CSMD3: variants seen among roughly 807,000 people sequenced by gnomAD.
The protein encoded by CSMD3 is CUB and Sushi multiple domains 3.
Under a neutral mutation model 435.2 loss-of-function variants are expected in CSMD3, and 177 were observed. The ratio of observed to expected loss-of-function variants is 0.41; its 90% CI spans 0.36 to 0.46. The LOEUF (loss-of-function observed/expected upper bound fraction) is 0.46. CSMD3 is among the 20% of genes least tolerant of loss of function. CSMD3 has a pLI of 0.34. For missense variants in CSMD3, 4,265 were observed against 4,504.6 expected, an observed-to-expected ratio of 0.95 and a Z score of 1.52; for synonymous variants, 1,656 against 1,520.5, an observed-to-expected ratio of 1.09 and a Z score of -2.07.
At position 112,224,517 on chromosome 8, in the gene CSMD3, C is replaced by A. The variant is rs1812397930; in HGVS notation, c.*254G>T. 4 of 514,070 alleles carry A rather than the reference C, an allele frequency of 7.8e-6. No homozygotes were observed. In the East Asian group the frequency reaches 1.4e-4, roughly 18 times the overall value. 31.8% of individuals were successfully genotyped at this position (514,070 alleles called of 1,614,324 possible). On this transcript the variant is annotated 3_prime_UTR_variant, in exon 71 of 71. Coordinates refer to ENST00000297405, the MANE Select transcript of CSMD3 (RefSeq NM_198123.2). ...AAATAAGTTTATATTTTAGAATAAT[C>A]TCCTTTTTAAAAAAAGCAAATAAAC...
At chr8:112,265,354 A>T in intron 60 of CSMD3, 57 bp downstream of exon 60, 1 of 1,320,850 alleles carries the variant, frequency 7.6e-7, no homozygotes, top group Non-Finnish European at 1.1e-6. Flanking sequence ...TGTATATAAA[A>T]ATAAGAAAAT....
chr8:112,384,812 T>C (rs546387011), intron 36 of CSMD3, among the ~76,000 whole-genome samples: 38 of 152,350 alleles, frequency 2.5e-4, no homozygotes, highest in Non-Finnish European at 4.4e-4. Flanking sequence ...CGTATGATTG[T>C]AGTATAACCG....
chr8:112,597,362 G>T (rs1199392383), intron 22 of CSMD3, among the ~76,000 whole-genome samples: 2 of 150,894 alleles, frequency 1.3e-5, no homozygotes, highest in Non-Finnish European at 2.9e-5. Flanking sequence ...AGCTGAAATT[G>T]TGGCAATAAT....
At chr8:113,416,159 T>C (rs556749920) in intron 1 of CSMD3, among the ~76,000 whole-genome samples, 3 of 152,126 alleles carry the variant, frequency 2.0e-5, no homozygotes, top group Non-Finnish European at 2.9e-5. Flanking sequence ...TTTCAATTTT[T>C]ATAATTAAAT....
intron 30 of CSMD3, among the ~76,000 whole-genome samples, chr8:112,495,580 C>T (rs1401898971): frequency 1.3e-5 from 2 of 152,084 alleles, no homozygotes; most frequent in African/African-American, 4.8e-5. Flanking sequence ...ATGAATAATA[C>T]TGTCTTTATT....
chr8:112,823,773 A>G (rs549312711), intron 12 of CSMD3, among the ~76,000 whole-genome samples: 127 of 152,178 alleles, frequency 8.3e-4, no homozygotes, highest in African/African-American at 2.7e-3. Flanking sequence ...AAGGCCATGT[A>G]GCACTGAGAA....
chr8:113,169,923 T>G (rs1359927067), intron 4 of CSMD3, among the ~76,000 whole-genome samples: 2 of 152,166 alleles, frequency 1.3e-5, no homozygotes, highest in African/African-American at 4.8e-5. Flanking sequence ...GTTAGTTGAC[T>G]TTTACAAATA....
At chr8:113,326,239 CT>C (rs2093982998) in intron 1 of CSMD3, among the ~76,000 whole-genome samples, 1 of 152,084 alleles carries the variant, frequency 6.6e-6, no homozygotes, top group African/African-American at 2.4e-5. Flanking sequence ...TTCTGACAGT[CT>C]TTCTTTGAAC....
rs116649863 is a variant in CSMD3, at chr8:112,479,482, T to C, written c.5279-6775A>G. 8.7e-3 allele frequency among the ~76,000 whole-genome samples: 1,318 copies of C among 152,252 alleles called. 17 individuals are homozygous for C. The highest frequency in any genetic ancestry group is 0.031 in the African/African-American group (1,269 of 41,556). Reference sequence around the variant, plus strand: ...AAAGGTTTTGAAGGTATTTCAGAGATCTTTCAGGCAGCCTCTATCATCACA... The same window carrying C: ...AAAGGTTTTGAAGGTATTTCAGAGACCTTTCAGGCAGCCTCTATCATCACA... On this transcript the variant is annotated intron_variant, in intron 31 of 70. Coordinates refer to ENST00000297405, the MANE Select transcript of CSMD3 (RefSeq NM_198123.2).
chr8:113,430,455 T>C (rs2094665261), intron 1 of CSMD3, among the ~76,000 whole-genome samples: 1 of 152,168 alleles, frequency 6.6e-6, no homozygotes, highest in Admixed American at 6.5e-5. Flanking sequence ...AATCATTATT[T>C]GACCTTCAGT....
intron 3 of CSMD3, among the ~76,000 whole-genome samples, chr8:113,243,595 A>T (rs1165383264): frequency 6.6e-6 from 1 of 152,088 alleles, no homozygotes; most frequent in African/African-American, 2.4e-5. Context: ...TTTTGTTTGT[A>T]TCCCTGTTTT....
At position 112,279,496 on chromosome 8, in the gene CSMD3, T is replaced by A. The variant is rs564505595; in HGVS notation, c.9508+1678A>T. 8.5e-5 allele frequency among the ~76,000 whole-genome samples: 13 copies of A among 152,342 alleles called. 1 individual carries two copies. In the South Asian group the frequency reaches 2.7e-3, roughly 32 times the overall value. On this transcript the variant is annotated intron_variant, in intron 59 of 70. Coordinates refer to ENST00000297405, the MANE Select transcript of CSMD3 (RefSeq NM_198123.2). ...AAATTAATATTAATTATCTGGCATT[T>A]ACAATCAGCTTGGTAAAATGGAGCC...
chr8:113,363,651 TGA>T (rs1295506766), intron 1 of CSMD3, among the ~76,000 whole-genome samples: 2 of 152,160 alleles, frequency 1.3e-5, no homozygotes, highest in African/African-American at 4.8e-5. Flanking sequence ...TCCTCTTGTG[TGA>T]GTCTAATTTT....
At chr8:113,134,546 A>AG (rs2091365791) in intron 4 of CSMD3, among the ~76,000 whole-genome samples, 1 of 152,070 alleles carries the variant, frequency 6.6e-6, no homozygotes, top group African/African-American at 2.4e-5. Context: ...TGAACTATAG[A>AG]TGACAACTGT....
rs377213732 is a variant in CSMD3 at position 112,556,930 on chromosome 8, T to C, written c.4067A>G (p.Asp1356Gly). The C allele has an allele frequency of 1.2e-5, 19 of 1,611,834 alleles. No individual in the cohort carries two copies. In the South Asian group the frequency reaches 2.0e-4, roughly 17 times the overall value. Residue 1356 changes from aspartate (D) to glycine (G), a missense_variant, in exon 25 of 71, where the codon GAT (aspartate) becomes GGT (glycine). Asp to Gly is a moderately conservative substitution (Grantham distance 94). This residue lies in a region of CSMD3 where 3,255 missense variants were observed against 3,380.2 expected (regional missense o/e 0.96). Transcript: ENST00000297405. ...YTSFELSHCE[D>G]PGIPQFGYKI... The stretch of plus-strand genomic sequence containing the variant: ...GTATCCAAATTGTGGAATGCCAGGA[T>C]CTTCACAGTGTGAGAGTTCAAAACC...
intron 25 of CSMD3, among the ~76,000 whole-genome samples, chr8:112,553,991 T>C (rs908614134): frequency 6.6e-6 from 1 of 151,982 alleles, no homozygotes; most frequent in Non-Finnish European, 1.5e-5. Context: ...TCCAATAAAT[T>C]TGAAGACCTT....
chr8:112,797,889 A>C (rs919385566), intron 13 of CSMD3, among the ~76,000 whole-genome samples: 2 of 151,882 alleles, frequency 1.3e-5, no homozygotes, highest in Admixed American at 6.6e-5. Flanking sequence ...GCTTAGTATT[A>C]CCTAATTTAT....
intron 3 of CSMD3, among the ~76,000 whole-genome samples, chr8:113,216,815 C>T (rs975233696): frequency 1.3e-4 from 20 of 151,806 alleles, no homozygotes; most frequent in African/African-American, 4.8e-4. Context: ...GAATTGTGGA[C>T]AGGGTACTGA....
intron 22 of CSMD3, among the ~76,000 whole-genome samples, chr8:112,628,750 G>C (rs938945840): frequency 6.6e-6 from 1 of 152,138 alleles, no homozygotes; most frequent in African/African-American, 2.4e-5. Flanking sequence ...CTAGAAAGGG[G>C]AGATATGGAA....
Sources: allele counts gnomAD v4.1 joint callset (sites outside exome capture counted in the v4.1 genomes callset), GRCh38; gene constraint gnomAD v4.1.1; regional missense constraint gnomAD v4.1.1; transcripts MANE v1.5; gene names NCBI Gene and HGNC (gene_info 2026-07-23, HGNC 2026-07-21).